CDYL: variants seen among roughly 807,000 people sequenced by gnomAD.
CDYL encodes the protein chromodomain Y-like protein.
In CDYL, 8 loss-of-function variants were observed where a neutral mutation model predicts 47.3. The observed-to-expected ratio is 0.17, with a 90% CI of 0.10 to 0.31. The LOEUF (loss-of-function observed/expected upper bound fraction) is 0.31, where lower values mean the gene tolerates loss of function less well. CDYL is among the 10% of genes least tolerant of loss of function. CDYL has a pLI of 1.00. For synonymous variants in CDYL, 266 were observed against 265.0 expected (o/e 1.00, Z -0.04); for missense variants, 471 against 701.4 (o/e 0.67, Z 3.71).
intron 1 of CDYL, among the ~76,000 whole-genome samples, chr6:4,856,238 AAAAAT>A (rs1761003713): frequency 6.6e-6 from 1 of 152,244 alleles, no homozygotes; most frequent in African/African-American, 2.4e-5. Flanking sequence ...CATAAGGAGA[AAAAAT>A]AAAGCAGAGA....
chr6:4,870,559 A>G (rs1258990121), intron 1 of CDYL, among the ~76,000 whole-genome samples: 2 of 152,132 alleles, frequency 1.3e-5, no homozygotes, highest in Non-Finnish European at 2.9e-5. Context: ...TTTATTTGGA[A>G]TATTTTTAGC....
intron 1 of CDYL, among the ~76,000 whole-genome samples, chr6:4,851,668 A>G (rs765694164): frequency 1.3e-5 from 2 of 152,256 alleles, no homozygotes; most frequent in African/African-American, 2.4e-5. Context: ...TCGCAGACGC[A>G]TTGCATCCAC....
Position 4,828,921 on chromosome 6 carries a change from T to C in CDYL, c.24+52114T>C, listed in dbSNP as rs1760057559. Among the ~76,000 whole-genome samples the C allele has an allele frequency of 2.6e-5, 4 of 152,198 alleles. No homozygotes were observed. In the South Asian group the frequency reaches 8.3e-4, roughly 32 times the overall value. ...CTCTCTAGTGAATTTTTTATTTCAA[T>C]TATGTACGTTTCAGCTCCAGAATGT... On this transcript the variant is annotated intron_variant, in intron 1 of 6. Coordinates refer to ENST00000397588, the MANE Select transcript of CDYL (RefSeq NM_004824.4).
intron 1 of CDYL, among the ~76,000 whole-genome samples, chr6:4,881,428 T>G (rs1761760140): frequency 6.6e-6 from 1 of 152,212 alleles, no homozygotes; most frequent in Non-Finnish European, 1.5e-5. Flanking sequence ...GGAACTTGTT[T>G]GAAACATGAA....
At chr6:4,889,302 G>A (rs542656419) in intron 1 of CDYL, among the ~76,000 whole-genome samples, 11 of 151,238 alleles carry the variant, frequency 7.3e-5, no homozygotes, top group African/African-American at 1.9e-4. Context: ...TTGGCTCACC[G>A]CAACCTCCAC....
At chr6:4,721,414 G>A (rs1561822490) in intron 2 of CDYL, among the ~76,000 whole-genome samples, 1 of 152,072 alleles carries the variant, frequency 6.6e-6, no homozygotes, top group African/African-American at 2.4e-5. Flanking sequence ...ACAGAGTCTT[G>A]CACTGTCACC....
At chr6:4,785,159 A>G (rs1025322899) in intron 1 of CDYL, among the ~76,000 whole-genome samples, 3 of 152,240 alleles carry the variant, frequency 2.0e-5, no homozygotes, top group African/African-American at 7.2e-5. Flanking sequence ...GCCTGGAAGC[A>G]ATAGGCTCTA....
At chr6:4,792,615 T>C (rs918971327) in intron 1 of CDYL, among the ~76,000 whole-genome samples, 4 of 151,950 alleles carry the variant, frequency 2.6e-5, no homozygotes, top group African/African-American at 7.3e-5. Context: ...TTTGTATTTT[T>C]AGTAGAGACA....
intron 1 of CDYL, among the ~76,000 whole-genome samples, chr6:4,795,324 A>C (rs896228380): frequency 4.6e-5 from 7 of 152,172 alleles, no homozygotes; most frequent in African/African-American, 1.4e-4. Flanking sequence ...GCTTAGTCAC[A>C]TGTATTATTT....
chr6:4,780,239 CTT>C (rs1395703523), intron 1 of CDYL, among the ~76,000 whole-genome samples: 2 of 145,492 alleles, frequency 1.4e-5, no homozygotes, highest in Non-Finnish European at 3.0e-5. Context: ...CTTTCTTTCT[CTT>C]TTTTTTTTTC....
chr6:4,825,848 C>CAAA (rs34591908), intron 1 of CDYL, among the ~76,000 whole-genome samples: 15 of 98,842 alleles, frequency 1.5e-4, no homozygotes, highest in African/African-American at 3.9e-4. Flanking sequence ...CCTAGAATGG[C>CAAA]AAAAAAAAAA....
intron 2 of CDYL, among the ~76,000 whole-genome samples, chr6:4,931,715 G>A (rs1190859931): frequency 6.6e-6 from 1 of 152,142 alleles, no homozygotes; most frequent in East Asian, 1.9e-4. Context: ...GGAGTGCCAG[G>A]AATTACATTG....
intron 2 of CDYL, among the ~76,000 whole-genome samples, chr6:4,897,796 T>TTTTTTTTG (rs760029585): frequency 6.6e-6 from 1 of 151,054 alleles, no homozygotes; most frequent in African/African-American, 2.4e-5. Flanking sequence ...TTTTGTTTTT[T>TTTTTTTTG]TTTTTTAAAT....
At chr6:4,890,307 A>G (rs1184265580) in intron 1 of CDYL, among the ~76,000 whole-genome samples, 1 of 152,210 alleles carries the variant, frequency 6.6e-6, no homozygotes, top group African/African-American at 2.4e-5. Context: ...ACTATTCACA[A>G]GTGAAGGAGC....
chr6:4,720,942 CT>C (rs1408171000), intron 2 of CDYL, among the ~76,000 whole-genome samples: 1 of 152,164 alleles, frequency 6.6e-6, no homozygotes, highest in African/African-American at 2.4e-5. Flanking sequence ...TCTATTCCAA[CT>C]ATTACCACAG....
intron 1 of CDYL, among the ~76,000 whole-genome samples, chr6:4,863,224 A>G (rs185690230): frequency 6.6e-6 from 1 of 152,288 alleles, no homozygotes; most frequent in African/African-American, 2.4e-5. Context: ...GAAGGGATCA[A>G]AGGTTGAAAA....
intron 2 of CDYL, among the ~76,000 whole-genome samples, chr6:4,922,942 C>A (rs1757760344): frequency 6.6e-6 from 1 of 152,014 alleles, no homozygotes; most frequent in Non-Finnish European, 1.5e-5. Context: ...GCTTTTTTCC[C>A]CCCTTTTATT....
At chr6:4,944,780 C>T (rs1042169399) in intron 5 of CDYL, among the ~76,000 whole-genome samples, 1 of 152,114 alleles carries the variant, frequency 6.6e-6, no homozygotes, top group Non-Finnish European at 1.5e-5. Flanking sequence ...ATATTTGGAT[C>T]CTCTCATTAT....
At chr6:4,740,554 C>T (rs1398284274) in intron 3 of CDYL, among the ~76,000 whole-genome samples, 2 of 152,184 alleles carry the variant, frequency 1.3e-5, no homozygotes, top group East Asian at 1.9e-4. Context: ...ATAACCGTTG[C>T]ATTGAATCTA....
Sources: gnomAD v4.1 joint callset for allele counts (sites outside exome capture counted in the v4.1 genomes callset) on GRCh38, gnomAD v4.1.1 for gene constraint, MANE v1.5 for transcripts, NCBI Gene and HGNC (gene_info 2026-07-23, HGNC 2026-07-21) for gene names.